SUCLG2: variants seen among roughly 807,000 people sequenced by gnomAD.
The protein encoded by SUCLG2 is succinate--CoA ligase [GDP-forming] subunit beta, mitochondrial.
SUCLG2 carries 42 observed loss-of-function variants against 47.9 expected under a neutral mutation model. That is an observed-to-expected ratio of 0.88 (90% CI 0.69 to 1.14). The LOEUF is 1.14. Ranked by LOEUF, SUCLG2 falls within the 50% of genes most tolerant of loss-of-function variation. SUCLG2 has a pLI of 0.00. For synonymous variants in SUCLG2, 195 were observed against 197.3 expected (o/e 0.99, Z 0.10); for missense variants, 571 against 525.9 (o/e 1.09, Z -0.84).
intron 9 of SUCLG2, among the ~76,000 whole-genome samples, chr3:67,437,530 C>A (rs1368070739): frequency 6.6e-6 from 1 of 152,038 alleles, no homozygotes; most frequent in Non-Finnish European, 1.5e-5. Flanking sequence ...GTTGCTGACT[C>A]CTATTCAATA....
At chr3:67,569,331 C>A (rs1452168304) in intron 2 of SUCLG2, among the ~76,000 whole-genome samples, 1 of 152,208 alleles carries the variant, frequency 6.6e-6, no homozygotes, top group Non-Finnish European at 1.5e-5. Flanking sequence ...TAGACTGTAA[C>A]CTCCAAGCAA....
chr3:67,447,791 G>A (rs1273834958), intron 9 of SUCLG2, among the ~76,000 whole-genome samples: 1 of 152,198 alleles, frequency 6.6e-6, no homozygotes, highest in Non-Finnish European at 1.5e-5. Flanking sequence ...GTGCAGTGGT[G>A]CAATCTCAGC....
intron 2 of SUCLG2, among the ~76,000 whole-genome samples, chr3:67,554,040 T>C (rs1226334927): frequency 3.3e-5 from 5 of 152,190 alleles, no homozygotes; most frequent in African/African-American, 1.2e-4. Flanking sequence ...TCCCATGTCA[T>C]AGACAAGGTC....
chr3:67,529,392 G>A (rs1016534731), intron 2 of SUCLG2, among the ~76,000 whole-genome samples: 12 of 152,168 alleles, frequency 7.9e-5, no homozygotes, highest in African/African-American at 2.7e-4. Context: ...ATATTCAAAT[G>A]CTTCCTACCA....
chr3:67,379,530 C>A (rs1484365026), intron 10 of SUCLG2, among the ~76,000 whole-genome samples: 1 of 152,188 alleles, frequency 6.6e-6, no homozygotes, highest in African/African-American at 2.4e-5. Flanking sequence ...TTTGAGATAA[C>A]TTTAATGAGT....
At chr3:67,483,229 C>T (rs1409966847) in intron 9 of SUCLG2, among the ~76,000 whole-genome samples, 1 of 150,050 alleles carries the variant, frequency 6.7e-6, no homozygotes, top group Admixed American at 6.6e-5. Context: ...TTTAAGTGGA[C>T]AAAACTTAAA....
At chr3:67,586,425 A>C (rs1708021489) in intron 2 of SUCLG2, among the ~76,000 whole-genome samples, 1 of 152,236 alleles carries the variant, frequency 6.6e-6, no homozygotes, top group Non-Finnish European at 1.5e-5. Flanking sequence ...AGGAAGAGCT[A>C]TGAATAATAA....
chr3:67,633,739 G>A (rs1034028414), intron 1 of SUCLG2, among the ~76,000 whole-genome samples: 1 of 152,138 alleles, frequency 6.6e-6, no homozygotes, highest in African/African-American at 2.4e-5. Flanking sequence ...TTTAATGCAC[G>A]CTGTGGGCTA....
At chr3:67,579,705 G>C (rs1707833991) in intron 2 of SUCLG2, among the ~76,000 whole-genome samples, 1 of 152,060 alleles carries the variant, frequency 6.6e-6, no homozygotes, top group Non-Finnish European at 1.5e-5. Flanking sequence ...AACAAATCAG[G>C]GTGGTGTTAG....
chr3:67,596,297 T>C (rs1196994768), intron 2 of SUCLG2, among the ~76,000 whole-genome samples: 1 of 152,196 alleles, frequency 6.6e-6, no homozygotes, highest in Admixed American at 6.5e-5. Context: ...TCACAGTTAT[T>C]ACTTCTCTGT....
intron 1 of SUCLG2, among the ~76,000 whole-genome samples, chr3:67,609,878 T>G (rs1700497458): frequency 6.6e-6 from 1 of 152,192 alleles, no homozygotes; most frequent in African/African-American, 2.4e-5. Flanking sequence ...CAAATATCAA[T>G]GTCTTGCTTT....
chr3:67,541,831 T>G (rs1379393862), intron 2 of SUCLG2, among the ~76,000 whole-genome samples: 2 of 151,348 alleles, frequency 1.3e-5, no homozygotes, highest in Non-Finnish European at 2.9e-5. Flanking sequence ...GCAGAAACCC[T>G]GTAAGCTAGA....
intron 9 of SUCLG2, among the ~76,000 whole-genome samples, chr3:67,484,267 A>G (rs1704994928): frequency 6.6e-6 from 1 of 152,178 alleles, no homozygotes; most frequent in Non-Finnish European, 1.5e-5. Context: ...GGCCCCCACC[A>G]GACTGCCCCA....
chr3:67,370,351 C>A (rs191056432), downstream of SUCLG2, among the ~76,000 whole-genome samples: 4 of 151,948 alleles, frequency 2.6e-5, no homozygotes, highest in Admixed American at 2.6e-4. Flanking sequence ...ACTAGAGGTC[C>A]AAAATTCTTT....
intron 9 of SUCLG2, among the ~76,000 whole-genome samples, chr3:67,402,748 A>C (rs1702715910): frequency 6.6e-6 from 1 of 152,244 alleles, no homozygotes; most frequent in South Asian, 2.1e-4. Flanking sequence ...TGGCACCTGC[A>C]TGCCTCTGCC....
intron 9 of SUCLG2, among the ~76,000 whole-genome samples, chr3:67,494,031 T>C (rs1197286891): frequency 2.6e-5 from 4 of 152,192 alleles, no homozygotes; most frequent in African/African-American, 9.6e-5. Flanking sequence ...CCGTCTGTTT[T>C]GTGAGTCAGA....
At chr3:67,395,268 C>A (rs1043892469) in intron 10 of SUCLG2, among the ~76,000 whole-genome samples, 1 of 152,060 alleles carries the variant, frequency 6.6e-6, no homozygotes, top group Non-Finnish European at 1.5e-5. Flanking sequence ...GTGCTGTATT[C>A]AGGAAACCCA....
At chr3:67,467,864 G>C (rs1188025686) in intron 9 of SUCLG2, among the ~76,000 whole-genome samples, 1 of 152,160 alleles carries the variant, frequency 6.6e-6, no homozygotes, top group African/African-American at 2.4e-5. Flanking sequence ...AGAGGAAACA[G>C]AGCGGGAATT....
At chr3:67,416,501 T>A (rs924735194) in intron 9 of SUCLG2, among the ~76,000 whole-genome samples, 1 of 152,208 alleles carries the variant, frequency 6.6e-6, no homozygotes, top group Admixed American at 6.5e-5. Context: ...AGCTTTTTTT[T>A]CTTAATCAGG....
Sources: gnomAD v4.1 joint callset for allele counts (sites outside exome capture counted in the v4.1 genomes callset) on GRCh38, gnomAD v4.1.1 for gene constraint, MANE v1.5 for transcripts, NCBI Gene and HGNC (gene_info 2026-07-23, HGNC 2026-07-21) for gene names.